Variants in MBD2 observed in about 807,000 individuals in gnomAD.
MBD2 encodes the protein methyl-CpG-binding domain protein 2.
In MBD2, 9 loss-of-function variants were observed where a neutral mutation model predicts 39.3. That is an observed-to-expected ratio of 0.23 (90% CI 0.14 to 0.40). The LOEUF (loss-of-function observed/expected upper bound fraction) is 0.40. Among genes scored for constraint, MBD2 ranks in the 10% least tolerant of loss-of-function variants. MBD2 has a pLI of 1.00. For missense variants in MBD2, 458 were observed against 532.6 expected, an observed-to-expected ratio of 0.86 and a Z score of 1.38; for synonymous variants, 233 against 211.1, an observed-to-expected ratio of 1.10 and a Z score of -0.90.
At chr18:54,202,955 G>T in intron 2 of MBD2, 1 of 983,444 alleles carries the variant, frequency 1.0e-6, no homozygotes, top group Non-Finnish European at 1.7e-6. Context: ...CAGAGATGGA[G>T]ACAATGAAGC....
At chr18:54,213,015 G>C (rs1453466982) in intron 1 of MBD2, among the ~76,000 whole-genome samples, 2 of 124,888 alleles carry the variant, frequency 1.6e-5, no homozygotes, top group South Asian at 2.6e-4. Flanking sequence ...CTGGGCAACA[G>C]AGCAAGACCC....
At chr18:54,221,097 G>A (rs951923143) in intron 1 of MBD2, among the ~76,000 whole-genome samples, 11 of 152,148 alleles carry the variant, frequency 7.2e-5, no homozygotes, top group Non-Finnish European at 1.6e-4. Context: ...ATTTTAGAGA[G>A]CAATTACCAC....
intron 2 of MBD2, among the ~76,000 whole-genome samples, chr18:54,191,738 C>T (rs930658817): frequency 1.3e-5 from 2 of 152,140 alleles, no homozygotes; most frequent in African/African-American, 2.4e-5. Flanking sequence ...TTAAATGTGT[C>T]CTCACCTCTA....
At chr18:54,209,475 T>A (rs116035085) in intron 1 of MBD2, among the ~76,000 whole-genome samples, 201 of 152,306 alleles carry the variant, frequency 1.3e-3, no homozygotes, top group Middle Eastern at 6.8e-3. Context: ...TCATAATGAA[T>A]AACCATTTCC....
chr18:54,214,005 T>C (rs2086533448), intron 1 of MBD2, among the ~76,000 whole-genome samples: 1 of 143,444 alleles, frequency 7.0e-6, no homozygotes, highest in South Asian at 2.2e-4. Context: ...CTTTCTTTCT[T>C]TTTTTTTTTT....
chr18:54,202,619 G>A (rs951955597), intron 2 of MBD2: 2 of 670,242 alleles, frequency 3.0e-6, no homozygotes, highest in Non-Finnish European at 3.8e-6. Flanking sequence ...AAAAGACCAT[G>A]CCTCCAAAAA....
chr18:54,196,508 C>T (rs979999105), intron 2 of MBD2, among the ~76,000 whole-genome samples: 2 of 152,194 alleles, frequency 1.3e-5, no homozygotes, highest in Non-Finnish European at 2.9e-5. Flanking sequence ...TAATCATCTC[C>T]TTTACTTCTC....
intron 6 of MBD2, 62 bp downstream of exon 6, chr18:54,159,703 A>T: frequency 6.4e-7 from 1 of 1,565,864 alleles, no homozygotes; most frequent in Non-Finnish European, 8.7e-7. Context: ...AGGCAGAAGC[A>T]CTATGTCCGG....
At chr18:54,169,058 C>G (rs1453033863) in intron 3 of MBD2, among the ~76,000 whole-genome samples, 1 of 152,026 alleles carries the variant, frequency 6.6e-6, no homozygotes, top group Non-Finnish European at 1.5e-5. Flanking sequence ...CCTATGATAC[C>G]CAGAAAAGGA....
At chr18:54,220,193 T>C (rs2086598151) in intron 1 of MBD2, among the ~76,000 whole-genome samples, 2 of 152,158 alleles carry the variant, frequency 1.3e-5, no homozygotes, top group African/African-American at 4.8e-5. Context: ...GCAAGTGTTA[T>C]GCAAGCAACT....
chr18:54,211,576 T>C (rs572377102), intron 1 of MBD2, among the ~76,000 whole-genome samples: 106 of 152,248 alleles, frequency 7.0e-4, no homozygotes, highest in South Asian at 1.7e-3. Context: ...GCTCTTATTT[T>C]ATTCATATCT....
chr18:54,210,455 A>C (rs917815444), intron 1 of MBD2, among the ~76,000 whole-genome samples: 2 of 152,204 alleles, frequency 1.3e-5, no homozygotes, highest in Non-Finnish European at 2.9e-5. Context: ...ATAAAATTAC[A>C]TCTCCAGAAG....
chr18:54,172,392 C>T (rs1285593693), intron 3 of MBD2, among the ~76,000 whole-genome samples: 2 of 152,106 alleles, frequency 1.3e-5, no homozygotes, highest in Non-Finnish European at 2.9e-5. Flanking sequence ...GAAAACACTT[C>T]CAGATAAGCG....
intron 5 of MBD2, among the ~76,000 whole-genome samples, chr18:54,163,364 CAAATT>C (rs1271912248): frequency 6.6e-6 from 1 of 152,044 alleles, no homozygotes; most frequent in Non-Finnish European, 1.5e-5. Flanking sequence ...GAATAATACT[CAAATT>C]AAACTGATTT....
chr18:54,203,104 T>C (rs991832259), intron 2 of MBD2: 2 of 1,610,980 alleles, frequency 1.2e-6, no homozygotes, highest in African/African-American at 1.3e-5. Context: ...CCAGCGCAGC[T>C]AGAGCAGAAA....
At chr18:54,179,661 A>C (rs1334667673) in intron 3 of MBD2, among the ~76,000 whole-genome samples, 1 of 152,220 alleles carries the variant, frequency 6.6e-6, no homozygotes, top group Non-Finnish European at 1.5e-5. Context: ...GTAGAGGAAA[A>C]TAATTGATAG....
intron 2 of MBD2, among the ~76,000 whole-genome samples, chr18:54,191,780 GT>G (rs1357760294): frequency 1.3e-5 from 2 of 152,288 alleles, no homozygotes; most frequent in African/African-American, 4.8e-5. Context: ...CCTCCTGTTT[GT>G]ATTGGGCAAT....
rs2086640832 is a variant in MBD2, at chr18:54,224,214, T to TGCCGCCGCA, written c.345_346insTGCGGCGGC (p.Gly115_Ser116insCysGlyGly). ...CGCCGGGGGGCGCCGCCGCCACCGCTGCCGCCGCCGCCGCAGCCGCCGCCG... is the reference window on the plus strand; with the variant it reads ...CGCCGGGGGGCGCCGCCGCCACCGCTGCCGCCGCAGCCGCCGCCGCCGCAGCCGCCGCCG... On this transcript the variant is annotated inframe_insertion, in exon 1 of 7. Coordinates refer to ENST00000256429, the MANE Select transcript of MBD2 (RefSeq NM_003927.5). 1 of 1,121,494 alleles carries TGCCGCCGCA rather than the reference T, an allele frequency of 8.9e-7. No individual in the cohort carries two copies. The highest frequency in any genetic ancestry group is 1.1e-6 in the Non-Finnish European group (1 of 916,212). 69.5% of individuals were successfully genotyped at this position (1,121,494 alleles called of 1,614,324 possible). A position where few individuals can be genotyped will look rare whatever the true frequency, so the allele number is the denominator to read the frequency against.
chr18:54,217,981 C>T (rs758337294), intron 1 of MBD2, among the ~76,000 whole-genome samples: 1 of 152,198 alleles, frequency 6.6e-6, no homozygotes, highest in Non-Finnish European at 1.5e-5. Flanking sequence ...CTCCACCACA[C>T]CTATGTCTTT....
Sources: gnomAD v4.1 joint callset for allele counts (sites outside exome capture counted in the v4.1 genomes callset) on GRCh38, gnomAD v4.1.1 for gene constraint, MANE v1.5 for transcripts, NCBI Gene and HGNC (gene_info 2026-07-23, HGNC 2026-07-21) for gene names.